The following EPB41L4A variants were observed in gnomAD, a reference collection of about 807,000 sequenced individuals.
EPB41L4A encodes band 4.1-like protein 4A.
EPB41L4A carries 100 observed loss-of-function variants against 108.6 expected under a neutral mutation model. The ratio of observed to expected loss-of-function variants is 0.92; its 90% CI spans 0.78 to 1.09. The LOEUF is 1.09. Among genes scored for constraint, EPB41L4A ranks in the 50% least tolerant of loss-of-function variants. The probability of loss-of-function intolerance (pLI) is 0.00; values close to 1 mark genes in which losing one functional copy is unlikely to be tolerated. For synonymous variants in EPB41L4A, 319 were observed against 289.0 expected, an observed-to-expected ratio of 1.10 and a Z score of -1.05; for missense variants, 1,030 against 842.7, an observed-to-expected ratio of 1.22 and a Z score of -2.75.
intron 2 of EPB41L4A, among the ~76,000 whole-genome samples, chr5:112,293,699 G>A (rs1255046101): frequency 1.3e-5 from 2 of 152,304 alleles, no homozygotes; most frequent in African/African-American, 4.8e-5. Flanking sequence ...CGATGCCGCA[G>A]TGAGGAAAGC....
At chr5:112,410,934 A>C (rs1762373064) in intron 1 of EPB41L4A, among the ~76,000 whole-genome samples, 1 of 152,206 alleles carries the variant, frequency 6.6e-6, no homozygotes, top group South Asian at 2.1e-4. Context: ...AAGATAGCAG[A>C]GCAAGGATGA....
intron 8 of EPB41L4A, 97 bp from the exon 9 acceptor site, chr5:112,259,389 G>A (rs1045211733): frequency 1.1e-6 from 1 of 948,098 alleles, no homozygotes; most frequent in Non-Finnish European, 1.7e-6. Context: ...GTGAATACTG[G>A]CTCCTTTATA....
chr5:112,346,832 C>T (rs1757709004), intron 1 of EPB41L4A, among the ~76,000 whole-genome samples: 1 of 152,210 alleles, frequency 6.6e-6, no homozygotes, highest in African/African-American at 2.4e-5. Context: ...GTTTTAGCCA[C>T]AGAAATCCCC....
At chr5:112,409,384 C>T (rs960156885) in intron 1 of EPB41L4A, among the ~76,000 whole-genome samples, 7 of 151,950 alleles carry the variant, frequency 4.6e-5, no homozygotes, top group Non-Finnish European at 7.4e-5. Context: ...TCTGCAGGGA[C>T]GAAAATCTTA....
intron 12 of EPB41L4A, among the ~76,000 whole-genome samples, chr5:112,150,262 C>T (rs2112801507): frequency 6.6e-6 from 1 of 152,090 alleles, no homozygotes; most frequent in East Asian, 1.9e-4. Context: ...TTCCAAACAA[C>T]ATCAGTTCAC....
intron 1 of EPB41L4A, among the ~76,000 whole-genome samples, chr5:112,370,156 C>T (rs571097167): frequency 7.2e-5 from 11 of 151,758 alleles, no homozygotes; most frequent in African/African-American, 2.2e-4. Context: ...TCCTGAGTAA[C>T]TGGGATAACA....
intron 9 of EPB41L4A, chr5:112,250,583 G>T (rs1416920042): frequency 6.6e-6 from 1 of 152,094 alleles, no homozygotes; most frequent in Non-Finnish European, 1.5e-5. Flanking sequence ...GGCTTATGTG[G>T]TAAGACCTAC....
intron 3 of EPB41L4A, among the ~76,000 whole-genome samples, chr5:112,277,117 G>C (rs200787212): frequency 1.3e-5 from 2 of 152,096 alleles, no homozygotes; most frequent in Non-Finnish European, 2.9e-5. Flanking sequence ...CAGCTTATCC[G>C]TCTGTGTCAA....
upstream of EPB41L4A, chr5:112,419,832 T>C: frequency 2.2e-6 from 1 of 456,684 alleles, no homozygotes; most frequent in Non-Finnish European, 4.4e-6. Context: ...TCATTACGGG[T>C]GGCCGTGTGT....
chr5:112,361,988 T>C (rs956049503), intron 1 of EPB41L4A, among the ~76,000 whole-genome samples: 3 of 152,200 alleles, frequency 2.0e-5, no homozygotes, highest in African/African-American at 4.8e-5. Flanking sequence ...AACCAAGCCA[T>C]TGATATAAGC....
At chr5:112,359,665 C>T (rs1189802911) in intron 1 of EPB41L4A, among the ~76,000 whole-genome samples, 1 of 151,952 alleles carries the variant, frequency 6.6e-6, no homozygotes, top group Non-Finnish European at 1.5e-5. Flanking sequence ...CTCAGCCTCC[C>T]GAGTAGCTGG....
chr5:112,332,180 T>C (rs1486216050), intron 1 of EPB41L4A, among the ~76,000 whole-genome samples: 1 of 152,234 alleles, frequency 6.6e-6, no homozygotes, highest in Non-Finnish European at 1.5e-5. Context: ...AATTCCAGAA[T>C]CTTAAGGATA....
intron 6 of EPB41L4A, chr5:112,264,666 CA>C: frequency 9.1e-6 from 3 of 328,916 alleles, no homozygotes; most frequent in Non-Finnish European, 1.6e-5. Context: ...GGCCATTGAC[CA>C]AAAAATGGTA....
At chr5:112,270,526 A>G (rs1472647049) in intron 4 of EPB41L4A, among the ~76,000 whole-genome samples, 1 of 152,234 alleles carries the variant, frequency 6.6e-6, no homozygotes, top group Non-Finnish European at 1.5e-5. Context: ...GAAAATCATA[A>G]CTCTTTAACC....
At chr5:112,231,637 T>C (rs1236996403) in intron 12 of EPB41L4A, among the ~76,000 whole-genome samples, 4 of 150,458 alleles carry the variant, frequency 2.7e-5, no homozygotes, top group African/African-American at 7.3e-5. Flanking sequence ...TACAAAAAAG[T>C]AGCCGGGCGC....
At chr5:112,281,090 C>G (rs560758998) in intron 2 of EPB41L4A, among the ~76,000 whole-genome samples, 27 of 152,296 alleles carry the variant, frequency 1.8e-4, no homozygotes, top group African/African-American at 6.3e-4. Flanking sequence ...AGCAACTGGA[C>G]ACCACTGGAC....
chr5:112,320,940 G>C (rs937276642), intron 1 of EPB41L4A, among the ~76,000 whole-genome samples: 1 of 152,176 alleles, frequency 6.6e-6, no homozygotes, highest in Non-Finnish European at 1.5e-5. Context: ...CCATGAATGT[G>C]TCTGAGTTGG....
At chr5:112,345,181 G>A (rs966480986) in intron 1 of EPB41L4A, among the ~76,000 whole-genome samples, 4 of 152,094 alleles carry the variant, frequency 2.6e-5, no homozygotes, top group Non-Finnish European at 4.4e-5. Flanking sequence ...TCCAGAGTTG[G>A]CCCCCAAGCA....
chr5:112,160,277 C>G (rs752988701), downstream of EPB41L4A, among the ~76,000 whole-genome samples: 146 of 152,172 alleles, frequency 9.6e-4, 1 homozygote, highest in South Asian at 1.5e-3. Context: ...CTGTTTCCAT[C>G]GGACAGCGCT....
Sources: gnomAD v4.1 joint callset for allele counts (sites outside exome capture counted in the v4.1 genomes callset) on GRCh38, gnomAD v4.1.1 for gene constraint, MANE v1.5 for transcripts, NCBI Gene and HGNC (gene_info 2026-07-23, HGNC 2026-07-21) for gene names.